Variants in SMIM7 observed in about 807,000 individuals in gnomAD.
SMIM7 encodes small integral membrane protein 7, also known as UPF0608 protein C19orf42.
A neutral mutation model predicts 13.3 loss-of-function variants in SMIM7; 12 were observed. The observed-to-expected ratio is 0.90, with a 90% CI of 0.58 to 1.46. The LOEUF (loss-of-function observed/expected upper bound fraction) is 1.46. SMIM7 is among the 40% of genes most tolerant of loss of function. SMIM7 has a pLI of 0.00. For missense variants in SMIM7, 114 were observed against 94.8 expected, an observed-to-expected ratio of 1.20 and a Z score of -0.84; for synonymous variants, 36 against 35.8, an observed-to-expected ratio of 1.01 and a Z score of -0.02.
chr19:16,647,559 G>A (rs1040947324), intron 4 of SMIM7, among the ~76,000 whole-genome samples: 3 of 149,972 alleles, frequency 2.0e-5, no homozygotes, highest in Admixed American at 6.8e-5. Flanking sequence ...AGATTCAAGC[G>A]ATTCTCCTGC....
At chr19:16,649,814 G>C (rs938708681) in intron 4 of SMIM7, among the ~76,000 whole-genome samples, 16 of 152,190 alleles carry the variant, frequency 1.1e-4, no homozygotes. Context: ...CACTGCTCCA[G>C]GCTACAACGT....
At chr19:16,636,840 C>G (rs185607727) in intron 4 of SMIM7, among the ~76,000 whole-genome samples, 1 of 152,180 alleles carries the variant, frequency 6.6e-6, no homozygotes, top group African/African-American at 2.4e-5. Context: ...GTAGTCCCAG[C>G]TACTCAGGAG....
intron 4 of SMIM7, among the ~76,000 whole-genome samples, chr19:16,651,105 T>TA (rs1222289351): frequency 1.3e-5 from 2 of 152,200 alleles, no homozygotes; most frequent in Non-Finnish European, 2.9e-5. Context: ...TTCCAGTTTT[T>TA]AAATATCCTG....
chr19:16,650,646 G>T (rs759794863), intron 4 of SMIM7, among the ~76,000 whole-genome samples: 9 of 151,010 alleles, frequency 6.0e-5, no homozygotes, highest in Non-Finnish European at 1.3e-4. Flanking sequence ...GGAGATGCAG[G>T]ATGCAGTGAG....
chr19:16,652,792 T>C, intron 4 of SMIM7: 1 of 1,524,946 alleles, frequency 6.6e-7, no homozygotes, highest in Non-Finnish European at 8.8e-7. Flanking sequence ...TCCTCTCTCT[T>C]TCTGGGGGAA....
downstream of SMIM7, chr19:16,641,580 G>A (rs2086404368): frequency 6.6e-6 from 1 of 152,240 alleles, no homozygotes; most frequent in Non-Finnish European, 1.5e-5. Context: ...TTACAGGCGT[G>A]AGCCACTGTG....
chr19:16,655,006 G>A (rs1237651515), intron 3 of SMIM7, among the ~76,000 whole-genome samples: 1 of 152,122 alleles, frequency 6.6e-6, no homozygotes, highest in African/African-American at 2.4e-5. Context: ...AAGGGGAATT[G>A]AGAGCTGCAG....
In SMIM7 at chr19:16,659,745, G is replaced by C. The variant is rs988183321; in HGVS notation, c.68+214C>G. 9.3e-5 allele frequency: 64 copies of C among 685,938 alleles called. 1 individual carries two copies. In the South Asian group the frequency reaches 1.1e-3, roughly 11 times the overall value. 42.5% of individuals were successfully genotyped at this position (685,938 alleles called of 1,614,324 possible). ...CTTAAGCTCTCCAGGAAGGTGAACAGAGGGACAACCAAGGAACGGAGAGTA... is the reference window on the plus strand; with the variant it reads ...CTTAAGCTCTCCAGGAAGGTGAACACAGGGACAACCAAGGAACGGAGAGTA... On this transcript the variant is annotated intron_variant, in intron 2 of 4. Coordinates refer to ENST00000487416, the MANE Select transcript of SMIM7 (RefSeq NM_024104.4).
At chr19:16,656,038 A>G (rs762653721) in intron 3 of SMIM7, among the ~76,000 whole-genome samples, 1 of 152,150 alleles carries the variant, frequency 6.6e-6, no homozygotes, top group Non-Finnish European at 1.5e-5. Context: ...CCCTTCCCCT[A>G]GCGAAGGATC....
Position 16,647,100 on chromosome 19 carries a change from G to T in SMIM7, c.*146C>A. The T allele has an allele frequency of 9.9e-7, 1 of 1,014,110 alleles. No individual in the cohort carries two copies. Among genetic ancestry groups the T allele is most frequent in the Non-Finnish European group, 1.5e-6 (1 of 658,606 alleles). The allele number at this position is 1,014,110 out of a possible 1,614,324, so 62.8% of individuals were successfully genotyped here. A position where few individuals can be genotyped will look rare whatever the true frequency, so the allele number is the denominator to read the frequency against. On this transcript the variant is annotated 3_prime_UTR_variant, in exon 5 of 5. Coordinates refer to ENST00000487416, the MANE Select transcript of SMIM7 (RefSeq NM_024104.4). ...TGGCTGGGAAACCATGCACACCTCGGCGAACACTTTTCCACCCACCACGAG... is the reference window on the plus strand; with the variant it reads ...TGGCTGGGAAACCATGCACACCTCGTCGAACACTTTTCCACCCACCACGAG...
chr19:16,642,588 C>A (rs980017032), downstream of SMIM7, among the ~76,000 whole-genome samples: 1 of 151,938 alleles, frequency 6.6e-6, no homozygotes, highest in Non-Finnish European at 1.5e-5. Context: ...TGCCTGTAAT[C>A]CCAGAAATAC....
chr19:16,633,208 G>C (rs939180376), intron 4 of SMIM7, among the ~76,000 whole-genome samples: 26 of 151,392 alleles, frequency 1.7e-4, no homozygotes, highest in African/African-American at 5.8e-4. Context: ...TGTAATCCCA[G>C]CACTTTGGGA....
chr19:16,655,042 A>G (rs1158093237), intron 3 of SMIM7, among the ~76,000 whole-genome samples: 1 of 152,096 alleles, frequency 6.6e-6, no homozygotes, highest in Non-Finnish European at 1.5e-5. Flanking sequence ...CTCTAACCCT[A>G]ACCCTAACCC....
chr19:16,641,765 G>GT (rs1431992866), downstream of SMIM7, among the ~76,000 whole-genome samples: 1 of 152,146 alleles, frequency 6.6e-6, no homozygotes, highest in African/African-American at 2.4e-5. Context: ...CACCCGGCTA[G>GT]TTTTTGTATT....
chr19:16,645,116 T>A (rs1462968186), downstream of SMIM7: 1 of 152,222 alleles, frequency 6.6e-6, no homozygotes, highest in Non-Finnish European at 1.5e-5. Flanking sequence ...AAAAGCTTCC[T>A]TAAGAGACAC....
intron 4 of SMIM7, among the ~76,000 whole-genome samples, chr19:16,633,044 T>C (rs1169341569): frequency 6.6e-6 from 1 of 152,146 alleles, no homozygotes; most frequent in African/African-American, 2.4e-5. Context: ...TAAACTGTGA[T>C]TAGTTCCCCA....
downstream of SMIM7, among the ~76,000 whole-genome samples, chr19:16,641,621 G>A (rs950992544): frequency 6.6e-5 from 10 of 151,940 alleles, no homozygotes; most frequent in Admixed American, 5.9e-4. Flanking sequence ...TTCTTTTGGA[G>A]ACAGTCTAGC....
At chr19:16,632,201 A>G (rs2086327039) in intron 4 of SMIM7, among the ~76,000 whole-genome samples, 1 of 151,956 alleles carries the variant, frequency 6.6e-6, no homozygotes, top group African/African-American at 2.4e-5. Context: ...TTTCTCATAT[A>G]TGAACTCATT....
intron 4 of SMIM7, among the ~76,000 whole-genome samples, chr19:16,650,802 T>G (rs2086514892): frequency 6.6e-6 from 1 of 151,706 alleles, no homozygotes; most frequent in Non-Finnish European, 1.5e-5. Context: ...CAGGGTCACC[T>G]CTCTACCCCA....
Sources: allele counts gnomAD v4.1 joint callset (sites outside exome capture counted in the v4.1 genomes callset), GRCh38; gene constraint gnomAD v4.1.1; transcripts MANE v1.5; gene names NCBI Gene and HGNC (gene_info 2026-07-23, HGNC 2026-07-21).